The following FCER1A variants were observed in gnomAD, a reference collection of about 807,000 sequenced individuals.
FCER1A encodes Fc epsilon receptor Ia, also known as high affinity immunoglobulin epsilon receptor subunit alpha.
Under a neutral mutation model 23.6 loss-of-function variants are expected in FCER1A, and 24 were observed. The observed-to-expected ratio is 1.02, with a 90% CI of 0.74 to 1.43. The LOEUF (loss-of-function observed/expected upper bound fraction) is 1.43. Ranked by LOEUF, FCER1A falls within the 40% of genes most tolerant of loss-of-function variation. The pLI is 0.00. For synonymous variants in FCER1A, 121 were observed against 108.8 expected (o/e 1.11, Z -0.70); for missense variants, 318 against 294.5 (o/e 1.08, Z -0.58).
chr1:159,300,465 C>A (rs1652402893), upstream of FCER1A, among the ~76,000 whole-genome samples: 1 of 152,120 alleles, frequency 6.6e-6, no homozygotes, highest in Non-Finnish European at 1.5e-5. Flanking sequence ...TCTGACAGCA[C>A]CTTAAAAACT....
At chr1:159,289,523 T>C (rs572851470), upstream of FCER1A, among the ~76,000 whole-genome samples, 6 of 152,344 alleles carry the variant, frequency 3.9e-5, no homozygotes, top group East Asian at 1.2e-3. Context: ...AAATTACTAC[T>C]ACTGCTGTGG....
intron 1 of FCER1A, among the ~76,000 whole-genome samples, chr1:159,293,491 C>G (rs987383745): frequency 1.3e-5 from 2 of 151,100 alleles, no homozygotes; most frequent in African/African-American, 4.9e-5. Context: ...GTGCCGCACC[C>G]ATTAACTCGT....
chr1:159,291,119 T>C (rs912403282), intron 1 of FCER1A, among the ~76,000 whole-genome samples: 5 of 152,174 alleles, frequency 3.3e-5, no homozygotes. Context: ...CAAATCTTAC[T>C]AGCACAGTAG....
In FCER1A at chr1:159,306,069, G is replaced by T. The variant is rs1652602219; in HGVS notation, c.413G>T (p.Trp138Leu). 5.0e-6 allele frequency: 8 copies of T among 1,614,162 alleles called. No individual in the cohort carries two copies. Among genetic ancestry groups the T allele is most frequent in the Non-Finnish European group, 6.8e-6 (8 of 1,180,012 alleles). ...CTCAGGTGCCATGGTTGGAGGAACT[G>T]GGATGTGTACAAGGTGATCTATTAT... Reference protein sequence around the residue: ...LFLRCHGWRNWDVYKVIYYKD... With the variant: ...LFLRCHGWRNLDVYKVIYYKD... Residue 138 changes from tryptophan (W) to leucine (L), a missense_variant, in exon 4 of 5, where the codon TGG becomes TTG. Trp to Leu is a moderately conservative substitution (Grantham distance 61). Coordinates refer to ENST00000693622, the MANE Select transcript of FCER1A (RefSeq NM_001387280.1).
intron 3 of FCER1A, among the ~76,000 whole-genome samples, chr1:159,304,785 A>G (rs1254724523): frequency 6.6e-6 from 1 of 152,178 alleles, no homozygotes; most frequent in Non-Finnish European, 1.5e-5. Context: ...GTCAAACAGC[A>G]TGACATATAT....
upstream of FCER1A, among the ~76,000 whole-genome samples, chr1:159,301,534 C>G (rs1264944283): frequency 1.3e-5 from 2 of 152,142 alleles, no homozygotes; most frequent in African/African-American, 4.8e-5. Flanking sequence ...TAACTTCTGC[C>G]TTCCTGTGTT....
At chr1:159,289,380 C>A (rs1196792211), upstream of FCER1A, among the ~76,000 whole-genome samples, 2 of 152,110 alleles carry the variant, frequency 1.3e-5, no homozygotes, top group African/African-American at 4.8e-5. Flanking sequence ...ATTCTAATTG[C>A]CAGAAAACAT....
chr1:159,295,719 C>T (rs1041553329), intron 1 of FCER1A, among the ~76,000 whole-genome samples: 8 of 152,246 alleles, frequency 5.3e-5, no homozygotes, highest in East Asian at 1.9e-4. Context: ...CTGGAAACTG[C>T]GGATCAGGGC....
intron 1 of FCER1A, among the ~76,000 whole-genome samples, chr1:159,290,408 A>G (rs922573617): frequency 5.3e-5 from 8 of 151,954 alleles, no homozygotes; most frequent in Non-Finnish European, 1.0e-4. Flanking sequence ...CAGATTCTCC[A>G]TCAGTACCCT....
At chr1:159,301,459 G>A (rs1652426574), upstream of FCER1A, among the ~76,000 whole-genome samples, 1 of 152,136 alleles carries the variant, frequency 6.6e-6, no homozygotes, top group African/African-American at 2.4e-5. Flanking sequence ...AATATTAAAA[G>A]TAAACAAAAG....
chr1:159,283,638 C>G, the FCER1A span, among the ~76,000 whole-genome samples: 5 of 152,034 alleles, frequency 3.3e-5, no homozygotes, highest in Non-Finnish European at 7.4e-5. Context: ...GAGGCATTTA[C>G]AACGGAAGCA....
At chr1:159,292,988 G>A (rs1333901879) in intron 1 of FCER1A, among the ~76,000 whole-genome samples, 1 of 151,882 alleles carries the variant, frequency 6.6e-6, no homozygotes, top group African/African-American at 2.4e-5. Flanking sequence ...AAGAAAGAAT[G>A]TCCTCACCAG....
chr1:159,290,798 C>T (rs1267125805), intron 1 of FCER1A, among the ~76,000 whole-genome samples: 1 of 152,098 alleles, frequency 6.6e-6, no homozygotes, highest in African/African-American at 2.4e-5. Context: ...TAGAACACAT[C>T]CTAGTTTCTC....
At position 159,306,229 on chromosome 1, in the gene FCER1A, C is replaced by G; in HGVS notation, c.573C>G (p.Asn191Lys). The G allele has an allele frequency of 6.2e-7, 1 of 1,613,722 alleles. No homozygotes were observed. The highest frequency in any genetic ancestry group is 1.1e-5 in the South Asian group (1 of 91,038). The part of the protein sequence containing the change: ...WQLDYESEPL[N>K]ITVIKAPREK... ...TGGACTATGAGTCTGAGCCCCTCAA[C>G]ATTACTGTAATAAAAGGTGAGTTGG... The change falls in exon 4 of 5, where the codon AAC becomes AAG. Residue 191 changes from asparagine (N) to lysine (K), a missense_variant. Coordinates refer to ENST00000693622, the MANE Select transcript of FCER1A (RefSeq NM_001387280.1).
chr1:159,288,180 C>T (rs36233782), upstream of FCER1A, among the ~76,000 whole-genome samples: 4 of 152,164 alleles, frequency 2.6e-5, no homozygotes, highest in Non-Finnish European at 5.9e-5. Flanking sequence ...GTCTGGTACA[C>T]TTACTGTTAA....
At chr1:159,295,308 C>T (rs551333779) in intron 1 of FCER1A, among the ~76,000 whole-genome samples, 1 of 152,206 alleles carries the variant, frequency 6.6e-6, no homozygotes, top group Non-Finnish European at 1.5e-5. Context: ...ATAAAACCCT[C>T]ATTCATAGGT....
At chr1:159,284,581 G>GA in the FCER1A span, among the ~76,000 whole-genome samples, 2 of 152,252 alleles carry the variant, frequency 1.3e-5, no homozygotes, top group African/African-American at 2.4e-5. Flanking sequence ...GTTCATTATA[G>GA]AAAAAACAGA....
At chr1:159,299,689 C>T (rs1652379485), upstream of FCER1A, among the ~76,000 whole-genome samples, 1 of 152,078 alleles carries the variant, frequency 6.6e-6, no homozygotes, top group South Asian at 2.1e-4. Context: ...AACGTGTGTT[C>T]CTGATGTGGA....
At chr1:159,292,676 A>C (rs200008445) in intron 1 of FCER1A, among the ~76,000 whole-genome samples, 9 of 152,272 alleles carry the variant, frequency 5.9e-5, no homozygotes, top group Admixed American at 2.6e-4. Flanking sequence ...CACATATACT[A>C]TACATATACA....
Sources: gnomAD v4.1 joint callset for allele counts (sites outside exome capture counted in the v4.1 genomes callset) on GRCh38, gnomAD v4.1.1 for gene constraint, MANE v1.5 for transcripts, NCBI Gene and HGNC (gene_info 2026-07-23, HGNC 2026-07-21) for gene names.